Variants in SAFB2 observed in about 807,000 individuals in gnomAD.
SAFB2 encodes the protein scaffold attachment factor B2.
In SAFB2, 32 loss-of-function variants were observed where a neutral mutation model predicts 100.6. The ratio of observed to expected loss-of-function variants is 0.32; its 90% CI spans 0.24 to 0.43. The LOEUF (loss-of-function observed/expected upper bound fraction) is 0.43. Among genes scored for constraint, SAFB2 ranks in the 20% least tolerant of loss-of-function variants. The pLI, the probability that SAFB2 is intolerant of heterozygous loss-of-function variation, is 1.00. For synonymous variants in SAFB2, 500 were observed against 439.4 expected, an observed-to-expected ratio of 1.14 and a Z score of -1.72; for missense variants, 1,185 against 1,163.4, an observed-to-expected ratio of 1.02 and a Z score of -0.27.
At position 5,602,914 on chromosome 19, in the gene SAFB2, C is replaced by A. The variant is rs909425755; in HGVS notation, c.1559+1669G>T. Among the ~76,000 whole-genome samples, 7 of 147,438 alleles carry A rather than the reference C, an allele frequency of 4.7e-5. No homozygotes were observed. In the South Asian group the frequency reaches 1.6e-3, roughly 34 times the overall value. On this transcript the variant is annotated intron_variant, in intron 11 of 20. Transcript: ENST00000252542. ...TTAAATTAGAGGGCTCACCGCCCCC[C>A]CCACCCCCCTCCTCCAAGTTCATGA... is the stretch of plus-strand genomic sequence containing the variant.
At position 5,595,354 on chromosome 19, in the gene SAFB2, C is replaced by T. The variant is rs775674550; in HGVS notation, c.1919+7G>A. 2 of 1,607,870 alleles carry T rather than the reference C, an allele frequency of 1.2e-6. No homozygotes were observed. Among genetic ancestry groups the T allele is most frequent in the Non-Finnish European group, 1.7e-6 (2 of 1,179,822 alleles). On this transcript the variant is annotated splice_region_variant and intron_variant, in intron 14 of 20. Transcript: ENST00000252542. ...ACCAGCCCACAGCCTCACCCAGCTC[C>T]ACTCACCGCCGCCTCTCCGTTTCGC... is the stretch of plus-strand genomic sequence containing the variant.
rs573820247 is a variant in SAFB2, at chr19:5,612,889, A to G, written c.607-322T>C. Among the ~76,000 whole-genome samples the G allele has an allele frequency of 6.7e-4, 102 of 152,166 alleles. No homozygotes were observed. The South Asian group carries it at 0.021, about 31-fold the overall frequency. ...CTGGCAAACACCCCCTTTGTCAGAG[A>G]AGAGGTCACAGTGGATTTAAGAAAA... On this transcript the variant is annotated intron_variant, in intron 5 of 20. Transcript: ENST00000252542.
intron 17 of SAFB2, chr19:5,591,271 G>T (rs12971910): frequency 7.1e-6 from 1 of 141,468 alleles, no homozygotes; most frequent in Non-Finnish European, 1.5e-5. Flanking sequence ...AAATATTTGC[G>T]CTTTTTTTTT....
chr19:5,612,345 C>T (rs2145352914), intron 6 of SAFB2, 195 bp downstream of exon 6: 1 of 613,144 alleles, frequency 1.6e-6, no homozygotes, highest in East Asian at 2.7e-5. Context: ...ATGTATTTGA[C>T]CTCAAGAAGC....
intron 1 of SAFB2, 22 bp from the exon 2 acceptor site, chr19:5,621,418 TACA>T (rs765827016): frequency 3.5e-6 from 5 of 1,447,108 alleles, no homozygotes; most frequent in African/African-American, 2.8e-5. Context: ...AGATGAGTTT[TACA>T]ACATCATTAA....
intron 4 of SAFB2, 77 bp from the exon 5 acceptor site, chr19:5,613,604 T>C (rs2052957818): frequency 6.4e-7 from 1 of 1,570,076 alleles, no homozygotes; most frequent in Non-Finnish European, 8.7e-7. Context: ...CTTAGGCAAC[T>C]TGTGTGTCTA....
rs1475998149 is a variant in SAFB2, at chr19:5,611,430, G to T, written c.835C>A (p.His279Asn). The change falls in exon 7 of 21, where the codon CAC (histidine) becomes AAC (asparagine). Residue 279 changes from histidine (H) to asparagine (N), a missense_variant. Physicochemically the swap from His to Asn is moderately conservative, Grantham distance 68 (BLOSUM62 1). Coordinates refer to ENST00000252542, the MANE Select transcript of SAFB2 (RefSeq NM_014649.3). ...CTGTCTGCCTTGCTCGACTGAGCGT[G>T]TGCTGTTGACTCGCTGGCCAAATCT... is the stretch of plus-strand genomic sequence containing the variant. ...DLDLASESTA[H>N]AQSSKADSLL... The T allele has an allele frequency of 5.4e-6, 2 of 372,390 alleles. No homozygotes were observed. The highest frequency in any genetic ancestry group is 4.6e-5 in the South Asian group (2 of 43,246). 23.1% of individuals were successfully genotyped at this position (372,390 alleles called of 1,614,324 possible).
At chr19:5,596,501 T>C (rs1231184900) in intron 13 of SAFB2, among the ~76,000 whole-genome samples, 6 of 152,156 alleles carry the variant, frequency 3.9e-5, no homozygotes, top group African/African-American at 1.4e-4. Context: ...CACACCACCA[T>C]GCCTGACTAA....
intron 5 of SAFB2, among the ~76,000 whole-genome samples, 156 bp from the exon 6 acceptor site, chr19:5,612,723 G>C (rs148300461): frequency 4.1e-3 from 620 of 152,208 alleles, no homozygotes; most frequent in Middle Eastern, 0.02. Flanking sequence ...ACAATAACCT[G>C]ATGAAAACCA....
intron 9 of SAFB2, among the ~76,000 whole-genome samples, chr19:5,608,053 T>C (rs933332939): frequency 1.3e-5 from 2 of 152,216 alleles, no homozygotes; most frequent in Non-Finnish European, 2.9e-5. Context: ...TATGTCCCTA[T>C]CCCTGAGCTA....
At chr19:5,616,703 G>A (rs1360278674) in intron 2 of SAFB2, among the ~76,000 whole-genome samples, 2 of 138,548 alleles carry the variant, frequency 1.4e-5, no homozygotes, top group Non-Finnish European at 3.0e-5. Context: ...CCAGGCTGGA[G>A]TGCAGCGGCA....
chr19:5,593,997 C>T lies in SAFB2; in HGVS notation c.2101G>A (p.Glu701Lys). 6.4e-7 allele frequency: 1 copy of T among 1,560,316 alleles called. No individual in the cohort carries two copies. The highest frequency in any genetic ancestry group is 8.6e-7 in the Non-Finnish European group (1 of 1,159,900). The change falls in exon 15 of 21, where the codon GAG (glutamate) becomes AAG (lysine). Residue 701 changes from glutamate (E) to lysine (K), a missense_variant. Physicochemically the swap from Glu to Lys is moderately conservative, Grantham distance 56 (BLOSUM62 1). Around this residue, in one of 3 missense-constraint regions of SAFB2, gnomAD observed 740 missense variants for 687.1 expected, o/e 1.08. Transcript: ENST00000252542. Reference sequence around the variant, plus strand: ...CGCTCGCGGTGGATGCGCTCCTGCTCCTTCCTGCGCTCACGCTCCACGCGC... The same window carrying T: ...CGCTCGCGGTGGATGCGCTCCTGCTTCTTCCTGCGCTCACGCTCCACGCGC... ...RMRVERERRK[E>K]QERIHREREE...
rs564434209 is a variant in SAFB2 at position 5,619,208 on chromosome 19, G to A, written c.274+2101C>T. Among the ~76,000 whole-genome samples, 140 of 152,204 alleles carry A rather than the reference G, an allele frequency of 9.2e-4. 1 individual carries two copies. The highest frequency in any genetic ancestry group is 4.6e-3 in the South Asian group (22 of 4,828). On this transcript the variant is annotated intron_variant, in intron 2 of 20. Transcript: ENST00000252542. ...CTCTTGTGCTTTATCCATTAGCCAC[G>A]TGCCCCGACACCTCTAGAGAACATC...
intron 17 of SAFB2, 102 bp from the exon 18 acceptor site, chr19:5,590,510 G>A (rs1286317177): frequency 7.5e-7 from 1 of 1,335,144 alleles, no homozygotes; most frequent in Non-Finnish European, 1.0e-6. Context: ...GGCAGGTGGG[G>A]CGGAGCTGAG....
intron 11 of SAFB2, 144 bp downstream of exon 11, chr19:5,604,439 C>G: frequency 1.6e-6 from 1 of 618,124 alleles, no homozygotes; most frequent in Non-Finnish European, 2.9e-6. Flanking sequence ...CAGCAGAACA[C>G]AAAAATCAGC....
Position 5,593,935 on chromosome 19 carries a change from G to T in SAFB2, c.2163C>A (p.Tyr721Ter). ...TCCGCCCGGGCCGCCGCTCCTGCTC[G>T]TAACGCAGCTGCTCCTGCTGGCGCC... ...ELRRQQEQLR[Y>*]EQERRPGRRP... The change falls in exon 15 of 21, where the codon TAC becomes TAA. Residue 721 changes from tyrosine (Y) to a stop codon, truncating the protein, a stop_gained. Transcript: ENST00000252542. LOFTEE classifies it high-confidence loss of function. 1.3e-6 allele frequency: 2 copies of T among 1,550,934 alleles called. No homozygotes were observed. The highest frequency in any genetic ancestry group is 8.6e-7 in the Non-Finnish European group (1 of 1,158,540).
Position 5,599,251 on chromosome 19 carries a change from C to T in SAFB2, c.1691-367G>A, listed in dbSNP as rs16993058. On this transcript the variant is annotated intron_variant, in intron 12 of 20. Coordinates refer to ENST00000252542, the MANE Select transcript of SAFB2 (RefSeq NM_014649.3). ...TCCTCCCTGACATTCTGTGAAGCTC[C>T]GCAGTATCCAGCCTGTGCTAGGAAT... Among the ~76,000 whole-genome samples, 941 of 152,250 alleles carry T rather than the reference C, an allele frequency of 6.2e-3. 16 individuals carry two copies. The highest frequency in any genetic ancestry group is 0.021 in the African/African-American group (855 of 41,530).
Position 5,604,781 on chromosome 19 carries a change from C to T in SAFB2, c.1446+6G>A. Reference sequence around the variant, plus strand: ...TGCGAGTTACCATAGACGAGAACTGCCTCACCTTCTCTACGGAGATCATTC... The same window carrying T: ...TGCGAGTTACCATAGACGAGAACTGTCTCACCTTCTCTACGGAGATCATTC... On this transcript the variant is annotated splice_donor_region_variant and intron_variant, in intron 10 of 20. Transcript: ENST00000252542. The T allele has an allele frequency of 6.2e-7, 1 of 1,614,030 alleles. No homozygotes were observed. The highest frequency in any genetic ancestry group is 1.3e-5 in the African/African-American group (1 of 75,062).
At chr19:5,609,136 A>G (rs928288914) in intron 9 of SAFB2, among the ~76,000 whole-genome samples, 1 of 151,734 alleles carries the variant, frequency 6.6e-6, no homozygotes, top group Admixed American at 6.6e-5. Flanking sequence ...AATCATTTTA[A>G]ATTGTCCTCA....
Sources: gnomAD v4.1 joint callset for allele counts (sites outside exome capture counted in the v4.1 genomes callset) on GRCh38, gnomAD v4.1.1 for gene constraint, gnomAD v4.1.1 regional missense constraint, MANE v1.5 for transcripts, NCBI Gene and HGNC (gene_info 2026-07-23, HGNC 2026-07-21) for gene names.